TAB2: variants seen among roughly 807,000 people sequenced by gnomAD.
TAB2 encodes TGF-beta activated kinase 1 (MAP3K7) binding protein 2, also known as TGF-beta-activated kinase 1 and MAP3K7-binding protein 2.
TAB2 carries 3 observed loss-of-function variants against 65.0 expected under a neutral mutation model. That is an observed-to-expected ratio of 0.05 (90% confidence interval 0.02 to 0.12). The LOEUF (loss-of-function observed/expected upper bound fraction) is 0.12, where lower values mean the gene tolerates loss of function less well. Among genes scored for constraint, TAB2 ranks in the 10% least tolerant of loss-of-function variants. The pLI, the probability that TAB2 is intolerant of heterozygous loss-of-function variation, is 1.00. For missense variants in TAB2, 623 were observed against 840.3 expected, an observed-to-expected ratio of 0.74 and a Z score of 3.20; for synonymous variants, 298 against 285.1, an observed-to-expected ratio of 1.05 and a Z score of -0.46.
intron 1 of TAB2, among the ~76,000 whole-genome samples, chr6:149,253,978 G>GAAAGAAAGAA (rs1777926799): frequency 1.7e-5 from 2 of 117,610 alleles, no homozygotes; most frequent in Admixed American, 8.5e-5. Flanking sequence ...AAGAAAGAAA[G>GAAAGAAAGAA]AAAGAAAGAA....
At chr6:149,344,536 C>T (rs1210843314) in intron 1 of TAB2, among the ~76,000 whole-genome samples, 1 of 152,088 alleles carries the variant, frequency 6.6e-6, no homozygotes, top group Non-Finnish European at 1.5e-5. Flanking sequence ...AAATTGTGAG[C>T]AGTCCAGTGT....
intron 1 of TAB2, among the ~76,000 whole-genome samples, chr6:149,238,347 C>T (rs141377884): frequency 6.6e-6 from 1 of 152,302 alleles, no homozygotes; most frequent in African/African-American, 2.4e-5. Context: ...TTCTGTACCC[C>T]TTTTCTCCCT....
chr6:149,373,205 C>T (rs1442864522), intron 2 of TAB2, among the ~76,000 whole-genome samples: 1 of 152,080 alleles, frequency 6.6e-6, no homozygotes. Context: ...AATCTGAAAA[C>T]TTAGAAGAAT....
At chr6:149,226,300 G>A (rs1357285750) in intron 1 of TAB2, among the ~76,000 whole-genome samples, 3 of 152,108 alleles carry the variant, frequency 2.0e-5, no homozygotes, top group Non-Finnish European at 1.5e-5. Flanking sequence ...AACTTAACGG[G>A]TAGGAGAAGT....
chr6:149,282,298 T>C (rs1237401340), intron 1 of TAB2, among the ~76,000 whole-genome samples: 1 of 152,002 alleles, frequency 6.6e-6, no homozygotes, highest in Non-Finnish European at 1.5e-5. Flanking sequence ...TAGGGAGAAA[T>C]ATACAAATCT....
intron 1 of TAB2, among the ~76,000 whole-genome samples, chr6:149,325,407 C>G (rs1779570330): frequency 6.6e-6 from 1 of 152,160 alleles, no homozygotes; most frequent in African/African-American, 2.4e-5. Flanking sequence ...CATTTTTCCT[C>G]AACAAATAGA....
At chr6:149,364,263 G>A (rs996524311) in intron 1 of TAB2, among the ~76,000 whole-genome samples, 2 of 151,884 alleles carry the variant, frequency 1.3e-5, no homozygotes. Flanking sequence ...ATCCTTCATC[G>A]GCTTCCCATT....
chr6:149,287,482 GTTTT>G lies in TAB2; in HGVS notation c.-121+68714_-121+68717del, dbSNP rs35420416. ...ATATAACAAGCAAACTTTGTTTTCTGTTTTTTTTTTTAAAAAGAAAGTATTAGAA... is the reference window on the plus strand; with the variant it reads ...ATATAACAAGCAAACTTTGTTTTCTGTTTTTTTAAAAAGAAAGTATTAGAA... On this transcript the variant is annotated intron_variant, in intron 1 of 1. Transcript: ENST00000606202. Among the ~76,000 whole-genome samples the G allele has an allele frequency of 3.6e-3, 537 of 149,010 alleles. 20 individuals carry two copies. In the East Asian group the frequency reaches 0.086, roughly 24 times the overall value.
chr6:149,405,024 G>T (rs1782616021), intron 6 of TAB2, among the ~76,000 whole-genome samples: 1 of 152,122 alleles, frequency 6.6e-6, no homozygotes, highest in Admixed American at 6.6e-5. Flanking sequence ...CTCCTAAAGG[G>T]TTTATATTCA....
chr6:149,273,229 T>G lies in TAB2; in HGVS notation c.-121+54453T>G, dbSNP rs1008206459. ...GGCTAAACTCAATATTAGAGGTACA[T>G]AGAAAAGTCAAGAATGGCATCCTTA... is the stretch of plus-strand genomic sequence containing the variant. On this transcript the variant is annotated intron_variant, in intron 1 of 1. Transcript: ENST00000606202. Among the ~76,000 whole-genome samples, 3 of 152,098 alleles carry G rather than the reference T, an allele frequency of 2.0e-5. No individual in the cohort carries two copies. The South Asian group carries it at 6.2e-4, about 32-fold the overall frequency.
intron 3 of TAB2, among the ~76,000 whole-genome samples, chr6:149,393,395 T>G (rs771069853): frequency 6.6e-6 from 1 of 152,210 alleles, no homozygotes; most frequent in Non-Finnish European, 1.5e-5. Context: ...CTTCAGCCAT[T>G]GCAAAACCCC....
At chr6:149,403,968 C>T (rs1782574226) in intron 6 of TAB2, among the ~76,000 whole-genome samples, 1 of 152,078 alleles carries the variant, frequency 6.6e-6, no homozygotes, top group Non-Finnish European at 1.5e-5. Context: ...AACATCCAAA[C>T]TATATCACCT....
chr6:149,227,267 C>T (rs893169843), intron 1 of TAB2, among the ~76,000 whole-genome samples: 1 of 152,118 alleles, frequency 6.6e-6, no homozygotes, highest in African/African-American at 2.4e-5. Flanking sequence ...ATGTCAAGGT[C>T]ATTTTTTAAT....
intron 1 of TAB2, among the ~76,000 whole-genome samples, chr6:149,250,301 C>T (rs964293676): frequency 4.4e-5 from 6 of 136,472 alleles, no homozygotes; most frequent in Admixed American, 4.4e-4. Flanking sequence ...GAGAATTCAC[C>T]AAACTTTTTT....
At position 149,337,619 on chromosome 6, in the gene TAB2, A is replaced by T. The variant is rs151095206; in HGVS notation, c.-90+19604A>T. On this transcript the variant is annotated intron_variant, in intron 1 of 6. Transcript: ENST00000637181. ...AACTCTTCTTAGCTCACAATTGTAG[A>T]TAAACTGTTTAAAAAAATAACAGAA... 5.0e-3 allele frequency among the ~76,000 whole-genome samples: 765 copies of T among 152,372 alleles called. 8 individuals carry two copies. The highest frequency in any genetic ancestry group is 0.018 in the African/African-American group (740 of 41,582).
chr6:149,342,100 G>C (rs535664479), intron 1 of TAB2, among the ~76,000 whole-genome samples: 5 of 150,844 alleles, frequency 3.3e-5, no homozygotes, highest in African/African-American at 1.2e-4. Flanking sequence ...AGATTTTCCA[G>C]TGTGGTTAAG....
intron 1 of TAB2, among the ~76,000 whole-genome samples, chr6:149,241,540 C>G (rs1777598062): frequency 3.3e-5 from 5 of 152,156 alleles, no homozygotes; most frequent in Non-Finnish European, 1.5e-5. Context: ...TCTTTAAAGT[C>G]TGCTTGCAAA....
intron 1 of TAB2, among the ~76,000 whole-genome samples, chr6:149,280,551 C>A (rs929688026): frequency 6.6e-6 from 1 of 152,056 alleles, no homozygotes; most frequent in South Asian, 2.1e-4. Context: ...GATGAGAAAA[C>A]AGGCCAAAAA....
upstream of TAB2, among the ~76,000 whole-genome samples, chr6:149,314,169 A>G (rs973506068): frequency 6.6e-6 from 1 of 152,248 alleles, no homozygotes; most frequent in African/African-American, 2.4e-5. Context: ...AACACATGCA[A>G]TAGACCACAC....
Sources: allele counts gnomAD v4.1 joint callset (sites outside exome capture counted in the v4.1 genomes callset), GRCh38; gene constraint gnomAD v4.1.1; transcripts MANE v1.5; gene names NCBI Gene and HGNC (gene_info 2026-07-23, HGNC 2026-07-21).